The following TRPM3 variants were observed in gnomAD, a reference collection of about 807,000 sequenced individuals.
TRPM3 encodes the protein long transient receptor potential channel 3.
TRPM3 carries 77 observed loss-of-function variants against 181.2 expected under a neutral mutation model. The ratio of observed to expected loss-of-function variants is 0.42; its 90% CI spans 0.35 to 0.51. TRPM3 has a LOEUF of 0.51. Among genes scored for constraint, TRPM3 ranks in the 20% least tolerant of loss-of-function variants. The probability of loss-of-function intolerance (pLI) is 0.01; values close to 1 mark genes in which losing one functional copy is unlikely to be tolerated. For missense variants in TRPM3, 1,759 were observed against 2,196.7 expected (o/e 0.80, Z 3.98); for synonymous variants, 745 against 796.4 (o/e 0.94, Z 1.09).
At chr9:71,271,939 C>T (rs1438948628) in intron 1 of TRPM3, among the ~76,000 whole-genome samples, 7 of 152,190 alleles carry the variant, frequency 4.6e-5, no homozygotes, top group African/African-American at 9.7e-5. Context: ...ACTAGTGGCT[C>T]GTCTTACTTC....
intron 6 of TRPM3, among the ~76,000 whole-genome samples, chr9:70,787,763 C>CTTTTTTTTTTTTTTTCTTTTTTGATTT (rs2084046542): frequency 1.5e-5 from 1 of 68,558 alleles, no homozygotes; most frequent in African/African-American, 5.8e-5. Flanking sequence ...TTTTTGGATT[C>CTTTTTTTTTTTTTTTCTTTTTTGATTT]TTTTTTTTTT....
intron 1 of TRPM3, among the ~76,000 whole-genome samples, chr9:70,899,925 T>C (rs1229100113): frequency 6.6e-6 from 1 of 152,192 alleles, no homozygotes; most frequent in Non-Finnish European, 1.5e-5. Context: ...TTAATAATAC[T>C]ATTGCAGCAT....
At chr9:71,071,526 T>C (rs1336062827) in intron 1 of TRPM3, among the ~76,000 whole-genome samples, 1 of 152,162 alleles carries the variant, frequency 6.6e-6, no homozygotes, top group Non-Finnish European at 1.5e-5. Context: ...AAATGAATAA[T>C]ATTAAACTGC....
chr9:71,276,608 T>C (rs1385514419), intron 1 of TRPM3, among the ~76,000 whole-genome samples: 3 of 152,174 alleles, frequency 2.0e-5, no homozygotes, highest in Non-Finnish European at 4.4e-5. Context: ...AATCATGAGA[T>C]ATAATTCATG....
intron 9 of TRPM3, among the ~76,000 whole-genome samples, chr9:70,673,299 C>G (rs936766823): frequency 6.6e-6 from 1 of 151,718 alleles, no homozygotes; most frequent in African/African-American, 2.4e-5. Flanking sequence ...TTCATAACAT[C>G]AAAGTTAATG....
At position 71,134,000 on chromosome 9, in the gene TRPM3, TGTGTGTGTGTGTGTGCGC is replaced by T. The variant is rs1194959988; in HGVS notation, c.184-269507_184-269490del. Among the ~76,000 whole-genome samples, 91 of 106,296 alleles carry T rather than the reference TGTGTGTGTGTGTGTGCGC, an allele frequency of 8.6e-4. 1 individual carries two copies. Among genetic ancestry groups the T allele is most frequent in the African/African-American group, 2.7e-3 (83 of 30,606 alleles). 69.7% of individuals were successfully genotyped at this position (106,296 alleles called of 152,430 possible). A position where few individuals can be genotyped will look rare whatever the true frequency, so the allele number is the denominator to read the frequency against. ...GTGTGTGTGTGTGTGTGTGTGTGTG[TGTGTGTGTGTGTGTGCGC>T]GTGCGCGCGCGCGCGTGTCTGTGTT... On this transcript the variant is annotated intron_variant, in intron 1 of 24. Transcript: ENST00000357533.
At chr9:70,819,389 A>G (rs144589870) in intron 6 of TRPM3, among the ~76,000 whole-genome samples, 1 of 152,352 alleles carries the variant, frequency 6.6e-6, no homozygotes, top group African/African-American at 2.4e-5. Flanking sequence ...ATATCCTCAA[A>G]TACCAAATTT....
intron 1 of TRPM3, among the ~76,000 whole-genome samples, chr9:71,057,129 C>T (rs77131538): frequency 1.3e-5 from 2 of 152,018 alleles, no homozygotes; most frequent in Non-Finnish European, 2.9e-5. Flanking sequence ...CCCCTCGACA[C>T]AGAGTTGGAT....
chr9:71,040,268 G>A (rs943582068), intron 1 of TRPM3, among the ~76,000 whole-genome samples: 23 of 152,142 alleles, frequency 1.5e-4, no homozygotes, highest in African/African-American at 5.3e-4. Context: ...TTATTGCAAA[G>A]CACATACTAT....
intron 1 of TRPM3, among the ~76,000 whole-genome samples, chr9:71,250,528 T>C (rs764592337): frequency 6.6e-5 from 10 of 152,148 alleles, no homozygotes; most frequent in Non-Finnish European, 1.5e-4. Flanking sequence ...AGAAAAGTAT[T>C]GGTTTACTCA....
intron 1 of TRPM3, among the ~76,000 whole-genome samples, chr9:71,134,906 G>A (rs949345271): frequency 6.6e-6 from 1 of 152,162 alleles, no homozygotes; most frequent in Non-Finnish European, 1.5e-5. Flanking sequence ...TACTAAATCA[G>A]TTGGGGAAAA....
chr9:71,087,694 T>C (rs1330141194), intron 1 of TRPM3, among the ~76,000 whole-genome samples: 3 of 152,164 alleles, frequency 2.0e-5, no homozygotes, highest in Admixed American at 6.6e-5. Flanking sequence ...GAAGAAGCAG[T>C]ACAAGTTTAT....
At chr9:70,966,657 C>A (rs139793336) in intron 1 of TRPM3, among the ~76,000 whole-genome samples, 1 of 151,982 alleles carries the variant, frequency 6.6e-6, no homozygotes, top group Non-Finnish European at 1.5e-5. Context: ...AACCAAACAC[C>A]GCGTGTTCTC....
intron 1 of TRPM3, among the ~76,000 whole-genome samples, chr9:71,010,602 T>A (rs2097726202): frequency 6.6e-6 from 1 of 152,010 alleles, no homozygotes; most frequent in Non-Finnish European, 1.5e-5. Flanking sequence ...AGGCTGTTTT[T>A]AAAAAGACAA....
chr9:70,695,486 C>T (rs758848390), intron 8 of TRPM3, among the ~76,000 whole-genome samples: 6 of 152,176 alleles, frequency 3.9e-5, no homozygotes, highest in Non-Finnish European at 7.3e-5. Flanking sequence ...TCTGTTCTCT[C>T]TGCTGGTCTG....
At chr9:70,933,767 G>A (rs1455960831) in intron 1 of TRPM3, among the ~76,000 whole-genome samples, 1 of 151,894 alleles carries the variant, frequency 6.6e-6, no homozygotes, top group Admixed American at 6.6e-5. Context: ...ATATTGAAGG[G>A]AAGAACCCTG....
chr9:70,601,529 T>G (rs1193394771), intron 20 of TRPM3, among the ~76,000 whole-genome samples: 1 of 152,098 alleles, frequency 6.6e-6, no homozygotes, highest in African/African-American at 2.4e-5. Context: ...AACTCTTCAG[T>G]GAGTTCAGGG....
At chr9:70,943,157 G>A (rs763426450) in intron 1 of TRPM3, among the ~76,000 whole-genome samples, 5 of 152,088 alleles carry the variant, frequency 3.3e-5, no homozygotes, top group Non-Finnish European at 5.9e-5. Flanking sequence ...AGGGGTTATG[G>A]GCTTAATGGA....
chr9:70,855,847 T>G (rs1228043428), intron 3 of TRPM3, among the ~76,000 whole-genome samples: 1 of 150,644 alleles, frequency 6.6e-6, no homozygotes, highest in Non-Finnish European at 1.5e-5. Flanking sequence ...GCATCAAGAG[T>G]TTAATGCTTA....
Sources: allele counts gnomAD v4.1 joint callset (sites outside exome capture counted in the v4.1 genomes callset), GRCh38; gene constraint gnomAD v4.1.1; transcripts MANE v1.5; gene names NCBI Gene and HGNC (gene_info 2026-07-23, HGNC 2026-07-21).